Variants in MACO1 observed in about 807,000 individuals in gnomAD.
MACO1 encodes the protein macoilin.
In MACO1, 14 loss-of-function variants were observed where a neutral mutation model predicts 78.7. The observed-to-expected ratio is 0.18, with a 90% CI of 0.12 to 0.28. MACO1 has a LOEUF of 0.28. Among genes scored for constraint, MACO1 ranks in the 10% least tolerant of loss-of-function variants. The pLI is 1.00. For synonymous variants in MACO1, 288 were observed against 291.6 expected (o/e 0.99, Z 0.12); for missense variants, 501 against 799.0 (o/e 0.63, Z 4.50).
At chr1:25,490,573 A>G (rs1280413586) in intron 9 of MACO1, among the ~76,000 whole-genome samples, 1 of 152,204 alleles carries the variant, frequency 6.6e-6, no homozygotes, top group African/African-American at 2.4e-5. Context: ...GCCTAAGGTA[A>G]ACAATTTTAA....
chr1:25,471,212 G>A (rs1021697398), intron 6 of MACO1, among the ~76,000 whole-genome samples: 1 of 151,582 alleles, frequency 6.6e-6, no homozygotes, highest in Admixed American at 6.6e-5. Context: ...AGTGGCGGGT[G>A]CCTGTAATCC....
At chr1:25,451,107 T>C (rs189595988) in intron 3 of MACO1, among the ~76,000 whole-genome samples, 1 of 152,356 alleles carries the variant, frequency 6.6e-6, no homozygotes, top group East Asian at 1.9e-4. Flanking sequence ...GAAATGCATA[T>C]TGGAATAGCT....
intron 1 of MACO1, among the ~76,000 whole-genome samples, chr1:25,439,193 G>C (rs1468547907): frequency 2.0e-5 from 3 of 151,900 alleles, no homozygotes; most frequent in Non-Finnish European, 4.4e-5. Flanking sequence ...TTACACCTTA[G>C]TGAAAGGCAT....
At chr1:25,433,425 G>A (rs1259265105) in intron 1 of MACO1, among the ~76,000 whole-genome samples, 1 of 152,192 alleles carries the variant, frequency 6.6e-6, no homozygotes, top group Non-Finnish European at 1.5e-5. Context: ...TCTATGCTAA[G>A]TTGTTTTTCA....
intron 6 of MACO1, among the ~76,000 whole-genome samples, chr1:25,479,628 C>T (rs553216364): frequency 6.4e-4 from 97 of 152,170 alleles, no homozygotes; most frequent in African/African-American, 2.3e-3. Flanking sequence ...GGGTTGGTCT[C>T]GAACTCTTGA....
chr1:25,497,336 C>T (rs1378167044), intron 10 of MACO1, among the ~76,000 whole-genome samples: 4 of 150,308 alleles, frequency 2.7e-5, no homozygotes, highest in African/African-American at 7.4e-5. Context: ...GCCGAGATCT[C>T]GCCACTGCAC....
chr1:25,474,611 G>A (rs1023328814), intron 6 of MACO1, among the ~76,000 whole-genome samples: 1 of 152,162 alleles, frequency 6.6e-6, no homozygotes, highest in Non-Finnish European at 1.5e-5. Context: ...ATACCGCTTA[G>A]AAGGAGAGGG....
At chr1:25,460,638 G>A (rs1313789389) in intron 6 of MACO1, among the ~76,000 whole-genome samples, 1 of 152,012 alleles carries the variant, frequency 6.6e-6, no homozygotes, top group Non-Finnish European at 1.5e-5. Flanking sequence ...TTTAGTAATA[G>A]CGGTCAAGCT....
intron 6 of MACO1, 150 bp downstream of exon 6, chr1:25,459,042 G>C: frequency 2.1e-6 from 2 of 956,566 alleles, no homozygotes; most frequent in South Asian, 3.4e-5. Flanking sequence ...TGGCCACCTT[G>C]TGTTATTGTG....
Position 25,485,639 on chromosome 1 carries a change from A to G in MACO1, c.1340A>G (p.Gln447Arg), listed in dbSNP as rs776921660. The change falls in exon 8 of 11, where the codon CAA becomes CGA. Residue 447 changes from glutamine to arginine, a missense_variant. Coordinates refer to ENST00000374343, the MANE Select transcript of MACO1 (RefSeq NM_018202.6). The surrounding 1 kb of genome is among the most constrained non-coding windows in gnomAD (Gnocchi z 4.3). Reference protein sequence around the residue: ...NKLHNAVQMKQKDKQNISQLE... With the variant: ...NKLHNAVQMKRKDKQNISQLE... ...TTACATAATGCTGTGCAAATGAAGC[A>G]AAAAGACAAGCAGAATATCAGCCAG... 1 of 1,614,068 alleles carries G rather than the reference A, an allele frequency of 6.2e-7. No homozygotes were observed. The highest frequency in any genetic ancestry group is 8.5e-7 in the Non-Finnish European group (1 of 1,180,000).
At position 25,431,095 on chromosome 1, in the gene MACO1, G is replaced by C. The variant is rs762058119; in HGVS notation, c.-4G>C. ...GCGCGGGCACCCGGCCCCCCAGCGG[G>C]AGGATGAAGCGGCGGAACGCCGACT... is the stretch of plus-strand genomic sequence containing the variant. On this transcript the variant is annotated 5_prime_UTR_variant, in exon 1 of 11. Coordinates refer to ENST00000374343, the MANE Select transcript of MACO1 (RefSeq NM_018202.6). The C allele has an allele frequency of 4.7e-5, 75 of 1,587,232 alleles. No individual in the cohort carries two copies. Among genetic ancestry groups the C allele is most frequent in the South Asian group, 6.8e-5 (6 of 88,188 alleles).
At chr1:25,443,065 G>A (rs1410052676) in intron 1 of MACO1, among the ~76,000 whole-genome samples, 2 of 152,098 alleles carry the variant, frequency 1.3e-5, no homozygotes, top group Non-Finnish European at 2.9e-5. Context: ...ATGCCATGAT[G>A]GCTTAAATCC....
chr1:25,445,198 C>T (rs1571954084), intron 1 of MACO1, among the ~76,000 whole-genome samples: 1 of 148,810 alleles, frequency 6.7e-6, no homozygotes, highest in East Asian at 2.0e-4. Flanking sequence ...ACTTGGGAAG[C>T]TGAGGTAGAA....
At chr1:25,486,853 A>G (rs1046190410) in intron 8 of MACO1, among the ~76,000 whole-genome samples, 1 of 152,152 alleles carries the variant, frequency 6.6e-6, no homozygotes, top group South Asian at 2.1e-4. Context: ...CCTGCCTACA[A>G]TGTGGGATTG....
At chr1:25,432,791 A>G (rs2042887394) in intron 1 of MACO1, among the ~76,000 whole-genome samples, 1 of 152,244 alleles carries the variant, frequency 6.6e-6, no homozygotes, top group Admixed American at 6.5e-5. Flanking sequence ...TTACAGTAAC[A>G]TAAGATGATG....
intron 1 of MACO1, among the ~76,000 whole-genome samples, chr1:25,443,978 A>G (rs1169116805): frequency 6.7e-6 from 1 of 150,334 alleles, no homozygotes; most frequent in Non-Finnish European, 1.5e-5. Flanking sequence ...TTGGCCAGAC[A>G]CAGTGGCTCA....
chr1:25,489,272 A>G lies in MACO1; in HGVS notation c.1596A>G (p.Arg532=), dbSNP rs373212425. 17 of 1,613,896 alleles carry G rather than the reference A, an allele frequency of 1.1e-5. No individual in the cohort carries two copies. The highest frequency in any genetic ancestry group is 1.4e-5 in the Non-Finnish European group (17 of 1,179,956). The change falls in exon 9 of 11, where the codon AGA becomes AGG. Residue 532 remains arginine, a synonymous_variant. Transcript: ENST00000374343. The stretch of plus-strand genomic sequence containing the variant: ...TGAAGGTGAAAGAAGACCAAATCAG[A>G]GAACTAGAACTAAAAGTCCAGGTAA... ...MDMKVKEDQI[R]ELELKVQELR... is the part of the protein sequence containing the mutation.
intron 2 of MACO1, among the ~76,000 whole-genome samples, chr1:25,448,593 A>G (rs186693791): frequency 1.3e-4 from 20 of 152,356 alleles, no homozygotes; most frequent in Middle Eastern, 6.8e-3. Context: ...TTTGAGGACC[A>G]TAAAGTACTA....
chr1:25,462,713 C>T (rs1392411386), intron 6 of MACO1, among the ~76,000 whole-genome samples: 1 of 152,190 alleles, frequency 6.6e-6, no homozygotes. Context: ...TTCATTACTG[C>T]TCCACCAGTT....
Sources: allele counts gnomAD v4.1 joint callset (sites outside exome capture counted in the v4.1 genomes callset), GRCh38; gene constraint gnomAD v4.1.1; non-coding constraint Gnocchi (gnomAD v3.1); transcripts MANE v1.5; gene names NCBI Gene and HGNC (gene_info 2026-07-23, HGNC 2026-07-21).